AP4M1: variants seen among roughly 807,000 people sequenced by gnomAD.
AP4M1 encodes adaptor related protein complex 4 subunit mu 1.
Under a neutral mutation model 62.4 loss-of-function variants are expected in AP4M1, and 58 were observed. The ratio of observed to expected loss-of-function variants is 0.93; its 90% CI spans 0.75 to 1.16. The LOEUF (loss-of-function observed/expected upper bound fraction) is 1.16. Ranked by LOEUF, AP4M1 falls within the 50% of genes most tolerant of loss-of-function variation. AP4M1 has a pLI of 0.00. For missense variants in AP4M1, 626 were observed against 585.4 expected, an observed-to-expected ratio of 1.07 and a Z score of -0.72; for synonymous variants, 290 against 239.7, an observed-to-expected ratio of 1.21 and a Z score of -1.94.
rs564374608 is a variant in AP4M1, at chr7:100,106,309, C to G, written c.1025+18C>G. 1.2e-6 allele frequency: 2 copies of G among 1,613,892 alleles called. No homozygotes were observed. Among genetic ancestry groups the G allele is most frequent in the Middle Eastern group, 1.6e-4 (1 of 6,062 alleles). On this transcript the variant is annotated intron_variant, in intron 13 of 14. Coordinates refer to ENST00000359593, the MANE Select transcript of AP4M1 (RefSeq NM_004722.4). Reference sequence around the variant, plus strand: ...GTGGTCAGGTGAGTGTGTGCACCCACCACGGGGAGATTCCTGGGGAGAGAG... The same window carrying G: ...GTGGTCAGGTGAGTGTGTGCACCCAGCACGGGGAGATTCCTGGGGAGAGAG...
Position 100,108,202 on chromosome 7 carries a change from T to A in AP4M1, c.*1320T>A. On this transcript the variant is annotated 3_prime_UTR_variant, in exon 15 of 15. Coordinates refer to ENST00000359593, the MANE Select transcript of AP4M1 (RefSeq NM_004722.4). The stretch of plus-strand genomic sequence containing the variant: ...CTGAAGGGAGAGGCCTGGGCTCCCC[T>A]CGCTCTTCCTCAGTGGCTCTCACTA... The A allele has an allele frequency of 6.8e-7, 1 of 1,479,998 alleles. No homozygotes were observed. Among genetic ancestry groups the A allele is most frequent in the Non-Finnish European group, 9.0e-7 (1 of 1,109,606 alleles). 91.7% of individuals were successfully genotyped at this position (1,479,998 alleles called of 1,614,324 possible).
chr7:100,106,335 T>A (rs2293479), intron 13 of AP4M1, 44 bp downstream of exon 13: 1 of 1,612,310 alleles, frequency 6.2e-7, no homozygotes, highest in South Asian at 1.1e-5. Flanking sequence ...GGGGAGAGAG[T>A]GAGCTCAGCA....
At chr7:100,102,499 G>T in intron 2 of AP4M1, 176 bp from the exon 3 acceptor site, 2 of 665,912 alleles carry the variant, frequency 3.0e-6, no homozygotes, top group South Asian at 3.3e-5. Context: ...GGTAGTTAGT[G>T]TAATTAACCC....
Position 100,106,290 on chromosome 7 carries a change from A to G in AP4M1, c.1024A>G (p.Ser342Gly), listed in dbSNP as rs375782034. 6.8e-6 allele frequency: 11 copies of G among 1,613,922 alleles called. No individual in the cohort carries two copies. The highest frequency in any genetic ancestry group is 1.6e-4 in the Middle Eastern group (1 of 6,084). Reference protein sequence around the residue: ...LHLPLPRGVVSLSQELSSPEQ... With the variant: ...LHLPLPRGVVGLSQELSSPEQ... ...CCTCCCCCTGCCTCGAGGGGTGGTC[A>G]GGTGAGTGTGTGCACCCACCACGGG... Residue 342 changes from serine (S) to glycine (G), a missense_variant and splice_region_variant, in exon 13 of 15, where the codon AGC (serine) becomes GGC (glycine). Ser to Gly is a moderately conservative substitution (Grantham distance 56). Transcript: ENST00000359593.
intron 11 of AP4M1, 78 bp downstream of exon 11, chr7:100,105,617 G>A (rs1273167302): frequency 3.6e-6 from 5 of 1,394,688 alleles, no homozygotes; most frequent in East Asian, 2.3e-5. Context: ...TCACTGCAGA[G>A]TGGGGGTGGT....
At position 100,108,552 on chromosome 7, in the gene AP4M1, A is replaced by AAAAAAAGCCAGGTAGAGGGAGGGCTGGGG. The variant is rs373378029; in HGVS notation, c.*1698_*1726dup. The AAAAAAAGCCAGGTAGAGGGAGGGCTGGGG allele has an allele frequency of 6.3e-6, 10 of 1,582,468 alleles. No individual in the cohort carries two copies. In the Middle Eastern group the frequency reaches 6.7e-4, roughly 107 times the overall value. ...GGAGCACAGTGTTTCTGCAGAACAG[A>AAAAAAAGCCAGGTAGAGGGAGGGCTGGGG]AAAAAAGCCAGGTAGAGGGAGGGCT... On this transcript the variant is annotated 3_prime_UTR_variant, in exon 15 of 15. Transcript: ENST00000359593.
chr7:100,108,530 GCA>G lies in AP4M1; in HGVS notation c.*1651_*1652del. 1 of 1,608,332 alleles carries G rather than the reference GCA, an allele frequency of 6.2e-7. No homozygotes were observed. The highest frequency in any genetic ancestry group is 1.7e-4 in the Middle Eastern group (1 of 6,044). ...TGGGCGCAGCTTTGCCAGAACAGGA[GCA>G]CAGTGTTTCTGCAGAACAGAAAAAA... On this transcript the variant is annotated 3_prime_UTR_variant, in exon 15 of 15. Coordinates refer to ENST00000359593, the MANE Select transcript of AP4M1 (RefSeq NM_004722.4).
chr7:100,106,169 A>T (rs1018006125), intron 12 of AP4M1, 72 bp from the exon 13 acceptor site: 2 of 1,581,248 alleles, frequency 1.3e-6, no homozygotes, highest in African/African-American at 1.3e-5. Context: ...AAATCCTGTT[A>T]TGACATTGAA....
chr7:100,108,446 C>T lies in AP4M1; in HGVS notation c.*1564C>T. On this transcript the variant is annotated 3_prime_UTR_variant, in exon 15 of 15. Coordinates refer to ENST00000359593, the MANE Select transcript of AP4M1 (RefSeq NM_004722.4). ...GGCCCGAGCCTTGACCACCTGGGAG[C>T]AGAGGAGGGGCCCAAGGGACCCGAA... is the stretch of plus-strand genomic sequence containing the variant. The T allele has an allele frequency of 1.2e-6, 2 of 1,613,958 alleles. No individual in the cohort carries two copies. The highest frequency in any genetic ancestry group is 2.2e-5 in the East Asian group (1 of 44,874).
intron 11 of AP4M1, 91 bp from the exon 12 acceptor site, chr7:100,105,868 C>A: frequency 6.9e-7 from 1 of 1,457,840 alleles, no homozygotes; most frequent in Non-Finnish European, 9.6e-7. Context: ...CAGCCCACAC[C>A]CACACAGCCC....
At chr7:100,103,382 C>G in intron 4 of AP4M1, 27 bp from the exon 5 acceptor site, 1 of 1,596,852 alleles carries the variant, frequency 6.3e-7, no homozygotes, top group Non-Finnish European at 8.6e-7. Flanking sequence ...CCACTGATCA[C>G]TCAGACTGTC....
chr7:100,106,365 A>C (rs772732077), intron 13 of AP4M1, 38 bp from the exon 14 acceptor site: 26 of 1,612,872 alleles, frequency 1.6e-5, no homozygotes, highest in Non-Finnish European at 2.1e-5. Context: ...TGCCTCAAGA[A>C]GGTGCCAAGC....
chr7:100,101,545 G>T (rs888546511), upstream of AP4M1: 2 of 813,580 alleles, frequency 2.5e-6, no homozygotes, highest in Non-Finnish European at 4.1e-6. Context: ...CGTCGGAAGG[G>T]AATCTCCGGG....
rs1796347497 is a variant in AP4M1, at chr7:100,105,073, T to C, written c.702T>C (p.Phe234=). ...SEMRIGLTEE[F]CVGKSELRGY... ...TGCGCATTGGCTTGACGGAAGAGTTTTGTGTGGGGAAGTCAGAGCTGAGAG... is the reference window on the plus strand; with the variant it reads ...TGCGCATTGGCTTGACGGAAGAGTTCTGTGTGGGGAAGTCAGAGCTGAGAG... Residue 234 remains phenylalanine (F), a synonymous_variant, in exon 9 of 15, where the codon TTT becomes TTC. Transcript: ENST00000359593. 6.2e-7 allele frequency: 1 copy of C among 1,614,100 alleles called. No individual in the cohort carries two copies. Among genetic ancestry groups the C allele is most frequent in the South Asian group, 1.1e-5 (1 of 91,086 alleles).
intron 2 of AP4M1, 143 bp from the exon 3 acceptor site, chr7:100,102,532 G>A (rs769248244): frequency 1.1e-5 from 8 of 733,960 alleles, no homozygotes; most frequent in Admixed American, 2.0e-5. Context: ...GGGAAGCTGG[G>A]CCCAGGCATA....
rs748967782 is a variant in AP4M1 at position 100,105,344 on chromosome 7, G to A, written c.832G>A (p.Glu278Lys). 2.5e-6 allele frequency: 4 copies of A among 1,614,020 alleles called. No individual in the cohort carries two copies. Among genetic ancestry groups the A allele is most frequent in the African/African-American group, 1.3e-5 (1 of 74,918 alleles). ...CCTCCGCTTGCAACCACCTCAGGGC[G>A]AGGTCAGGGTTGGGGTGGCCTCATA... Reference protein sequence around the residue: ...RILRLQPPQGELTVMRYQLSD... With the variant: ...RILRLQPPQGKLTVMRYQLSD... The change falls in exon 10 of 15, where the codon GAG becomes AAG. Residue 278 changes from glutamate (E) to lysine (K), a missense_variant and splice_region_variant. Coordinates refer to ENST00000359593, the MANE Select transcript of AP4M1 (RefSeq NM_004722.4).
intron 2 of AP4M1, chr7:100,102,439 GCAA>G (rs977571253): frequency 1.8e-4 from 107 of 580,578 alleles, no homozygotes; most frequent in Admixed American, 3.8e-4. Flanking sequence ...ATGGGCGCCA[GCAA>G]CACACCAGGC....
chr7:100,101,785 C>T lies in AP4M1; in HGVS notation c.58+13C>T, dbSNP rs1796055780. 1.5e-6 allele frequency: 2 copies of T among 1,319,612 alleles called. No individual in the cohort carries two copies. Among genetic ancestry groups the T allele is most frequent in the African/African-American group, 1.6e-5 (1 of 63,568 alleles). The allele number at this position is 1,319,612 out of a possible 1,614,324, so 81.7% of individuals were successfully genotyped here. On this transcript the variant is annotated intron_variant, in intron 1 of 14. Transcript: ENST00000359593. ...ATCTACAAAGACTGTATCCTAGACC[C>T]TTGGGGCTGGGAAGGGGCGGAGGGG...
At chr7:100,103,962 G>A in intron 6 of AP4M1, 130 bp from the exon 7 acceptor site, 1 of 787,778 alleles carries the variant, frequency 1.3e-6, no homozygotes, top group Non-Finnish European at 2.2e-6. Flanking sequence ...GGTGGGAGAT[G>A]ATCCCTTCCA....
Sources: allele counts gnomAD v4.1 joint callset, GRCh38; gene constraint gnomAD v4.1.1; transcripts MANE v1.5; gene names NCBI Gene and HGNC (gene_info 2026-07-23, HGNC 2026-07-21).